DSCAM: variants seen among roughly 807,000 people sequenced by gnomAD.
DSCAM encodes the protein cell adhesion molecule DSCAM.
A neutral mutation model predicts 217.7 loss-of-function variants in DSCAM; 47 were observed. The observed-to-expected ratio is 0.22, with a 90% confidence interval of 0.17 to 0.28. The LOEUF (loss-of-function observed/expected upper bound fraction) is 0.28, where lower values mean the gene tolerates loss of function less well. Among genes scored for constraint, DSCAM ranks in the 10% least tolerant of loss-of-function variants. The pLI is 1.00. For synonymous variants in DSCAM, 1,056 were observed against 1,015.3 expected (o/e 1.04, Z -0.76); for missense variants, 2,080 against 2,618.3 (o/e 0.79, Z 4.49).
At chr21:40,417,002 T>C (rs960287950) in intron 3 of DSCAM, among the ~76,000 whole-genome samples, 1 of 152,158 alleles carries the variant, frequency 6.6e-6, no homozygotes, top group African/African-American at 2.4e-5. Context: ...CCTTCAAATT[T>C]TGTCATCTGA....
At chr21:40,489,750 G>A (rs1289559879) in intron 3 of DSCAM, among the ~76,000 whole-genome samples, 5 of 125,302 alleles carry the variant, frequency 4.0e-5, no homozygotes, top group Non-Finnish European at 6.3e-5. Context: ...ACTCCAGCCT[G>A]GGCGACAGGG....
At chr21:40,565,542 T>G (rs889406093) in intron 3 of DSCAM, among the ~76,000 whole-genome samples, 1 of 152,186 alleles carries the variant, frequency 6.6e-6, no homozygotes, top group African/African-American at 2.4e-5. Flanking sequence ...CACACTTACA[T>G]TGGAATTAAT....
chr21:40,146,809 C>T (rs1000695577), intron 16 of DSCAM, among the ~76,000 whole-genome samples: 7 of 152,186 alleles, frequency 4.6e-5, no homozygotes, highest in Admixed American at 6.5e-5. Flanking sequence ...CACAGATGTG[C>T]TGGCTTTTGC....
intron 10 of DSCAM, among the ~76,000 whole-genome samples, chr21:40,289,710 T>C (rs541769896): frequency 1.3e-5 from 2 of 152,278 alleles, no homozygotes; most frequent in Non-Finnish European, 2.9e-5. Context: ...GGTATGCATG[T>C]GTAGGAAAGC....
chr21:40,751,444 T>C (rs886616354), intron 1 of DSCAM, among the ~76,000 whole-genome samples: 1 of 152,206 alleles, frequency 6.6e-6, no homozygotes, highest in Non-Finnish European at 1.5e-5. Flanking sequence ...GCACTCAGTA[T>C]TTGCCTCCAA....
At chr21:40,395,395 G>T (rs952291906) in intron 3 of DSCAM, among the ~76,000 whole-genome samples, 3 of 150,864 alleles carry the variant, frequency 2.0e-5, no homozygotes, top group Middle Eastern at 3.4e-3. Flanking sequence ...GCTGTAAAAT[G>T]ACGCATGTTT....
intron 1 of DSCAM, among the ~76,000 whole-genome samples, chr21:40,777,404 T>G (rs1475326779): frequency 1.3e-5 from 2 of 152,198 alleles, no homozygotes; most frequent in African/African-American, 2.4e-5. Flanking sequence ...TTATATAAGT[T>G]TCCTTCCTAT....
chr21:40,189,031 C>T lies in DSCAM; in HGVS notation c.2553+11G>A. ...GTTCATTCCATTGTGTTGTATTTGC[C>T]ATGCTTTTACCTGCAGAGTAGAAAT... is the stretch of plus-strand genomic sequence containing the variant. On this transcript the variant is annotated intron_variant, in intron 12 of 32. Transcript: ENST00000400454. 6.2e-7 allele frequency: 1 copy of T among 1,613,656 alleles called. No homozygotes were observed. The highest frequency in any genetic ancestry group is 8.5e-7 in the Non-Finnish European group (1 of 1,179,712).
intron 3 of DSCAM, among the ~76,000 whole-genome samples, chr21:40,536,542 C>T (rs1192831048): frequency 1.3e-5 from 2 of 151,904 alleles, no homozygotes; most frequent in African/African-American, 4.8e-5. Context: ...GCTGGGACTA[C>T]AGGCGCCCAC....
chr21:40,808,340 G>C (rs1432496934), intron 1 of DSCAM, among the ~76,000 whole-genome samples: 3 of 152,092 alleles, frequency 2.0e-5, no homozygotes, highest in Non-Finnish European at 4.4e-5. Context: ...ATGAAAAGAA[G>C]CCATCTTGCA....
intron 3 of DSCAM, among the ~76,000 whole-genome samples, chr21:40,469,561 T>A (rs567469435): frequency 4.2e-4 from 64 of 152,318 alleles, no homozygotes; most frequent in Middle Eastern, 3.4e-3. Context: ...AGGAAAAATG[T>A]AATCATAGCA....
intron 11 of DSCAM, among the ~76,000 whole-genome samples, chr21:40,228,794 T>C (rs2091356293): frequency 6.6e-6 from 1 of 152,136 alleles, no homozygotes; most frequent in Admixed American, 6.6e-5. Context: ...AAAATCCTAT[T>C]AGAAACCAAG....
At chr21:40,799,195 T>C (rs1346885210) in intron 1 of DSCAM, among the ~76,000 whole-genome samples, 1 of 152,162 alleles carries the variant, frequency 6.6e-6, no homozygotes, top group Non-Finnish European at 1.5e-5. Context: ...CCTGTTTTAC[T>C]CTGGGAGTGA....
intron 30 of DSCAM, among the ~76,000 whole-genome samples, chr21:40,048,893 C>G (rs973587569): frequency 6.6e-6 from 1 of 152,054 alleles, no homozygotes; most frequent in Admixed American, 6.5e-5. Flanking sequence ...TGGGGCCAGT[C>G]ACCTACCATT....
At chr21:40,280,275 G>A (rs951238729) in intron 10 of DSCAM, among the ~76,000 whole-genome samples, 7 of 143,364 alleles carry the variant, frequency 4.9e-5, no homozygotes, top group African/African-American at 1.3e-4. Context: ...TCGAACTCCC[G>A]GGTTCAAGCA....
intron 3 of DSCAM, among the ~76,000 whole-genome samples, chr21:40,386,793 G>A (rs1015108788): frequency 2.3e-4 from 35 of 152,206 alleles, no homozygotes; most frequent in African/African-American, 7.7e-4. Flanking sequence ...CGTTTTTCTT[G>A]AACTCCACGT....
In DSCAM at chr21:40,319,525, C is replaced by T. The variant is rs138031160; in HGVS notation, c.1784-7166G>A. Among the ~76,000 whole-genome samples, 692 of 152,258 alleles carry T rather than the reference C, an allele frequency of 4.5e-3. 1 individual carries two copies. The highest frequency in any genetic ancestry group is 0.01 in the Middle Eastern group (3 of 294). ...TAAGTTGTTTCCATGTCTTGGCTGT[C>T]GTGGATAGTGCTGCCATGAACGTGG... On this transcript the variant is annotated intron_variant, in intron 8 of 32. Coordinates refer to ENST00000400454, the MANE Select transcript of DSCAM (RefSeq NM_001389.5).
At chr21:40,481,662 A>G (rs1415473429) in intron 3 of DSCAM, among the ~76,000 whole-genome samples, 1 of 152,158 alleles carries the variant, frequency 6.6e-6, no homozygotes, top group Non-Finnish European at 1.5e-5. Flanking sequence ...CAACACTACG[A>G]AAGTGTGATT....
intron 32 of DSCAM, among the ~76,000 whole-genome samples, chr21:40,022,398 A>T (rs2146424739): frequency 6.6e-6 from 1 of 152,372 alleles, no homozygotes; most frequent in African/African-American, 2.4e-5. Context: ...ACTCTGTTTT[A>T]GATGATCAGA....
Sources: allele counts gnomAD v4.1 joint callset (sites outside exome capture counted in the v4.1 genomes callset), GRCh38; gene constraint gnomAD v4.1.1; transcripts MANE v1.5; gene names NCBI Gene and HGNC (gene_info 2026-07-23, HGNC 2026-07-21).